ZNF487: variants seen among roughly 807,000 people sequenced by gnomAD.
ZNF487 encodes zinc finger protein 487.
In ZNF487, 4 loss-of-function variants were observed where a neutral mutation model predicts 3.0. That is an observed-to-expected ratio of 1.35 (90% CI 0.66 to 3.08). The LOEUF (loss-of-function observed/expected upper bound fraction) is 3.08. Among genes scored for constraint, ZNF487 ranks in the 30% most tolerant of loss-of-function variants. The probability of loss-of-function intolerance (pLI) is 0.01; values close to 1 mark genes in which losing one functional copy is unlikely to be tolerated. For synonymous variants in ZNF487, 55 were observed against 34.6 expected, an observed-to-expected ratio of 1.59 and a Z score of -2.06; for missense variants, 146 against 98.7, an observed-to-expected ratio of 1.48 and a Z score of -2.03.
At chr10:43,486,301 C>T (rs551304173), downstream of ZNF487, among the ~76,000 whole-genome samples, 5 of 151,988 alleles carry the variant, frequency 3.3e-5, no homozygotes, top group South Asian at 2.1e-4. Flanking sequence ...GAGGAGGGTG[C>T]GGATCACCTG....
chr10:43,494,622 C>T, the ZNF487 span, among the ~76,000 whole-genome samples: 6 of 151,774 alleles, frequency 4.0e-5, no homozygotes, highest in South Asian at 4.2e-4. Flanking sequence ...GTGGTGGGTT[C>T]GAGATATACC....
the ZNF487 span, among the ~76,000 whole-genome samples, chr10:43,492,612 CG>C: frequency 2.0e-5 from 3 of 151,956 alleles, no homozygotes; most frequent in Non-Finnish European, 2.9e-5. Flanking sequence ...CCACCACGCC[CG>C]GCTAATTTTT....
intron 1 of ZNF487, among the ~76,000 whole-genome samples, chr10:43,449,409 TG>T (rs1334992905): frequency 1.3e-5 from 2 of 152,164 alleles, no homozygotes; most frequent in Non-Finnish European, 2.9e-5. Flanking sequence ...GACTGGATGT[TG>T]AAGCACAGTG....
downstream of ZNF487, among the ~76,000 whole-genome samples, chr10:43,488,030 A>G (rs1308450502): frequency 1.3e-5 from 2 of 150,466 alleles, no homozygotes; most frequent in African/African-American, 4.9e-5. Context: ...TTAAACAGGG[A>G]GGCGGAGTTT....
the ZNF487 span, among the ~76,000 whole-genome samples, chr10:43,504,705 T>C: frequency 7.2e-6 from 1 of 139,348 alleles, no homozygotes; most frequent in Admixed American, 8.3e-5. Flanking sequence ...CACTCTAGTT[T>C]GTGTTGTTGT....
At chr10:43,471,160 G>C (rs1326386274) in intron 1 of ZNF487, among the ~76,000 whole-genome samples, 2 of 152,050 alleles carry the variant, frequency 1.3e-5, no homozygotes, top group African/African-American at 2.4e-5. Flanking sequence ...TGTTGGACTC[G>C]TGACAGGGCT....
rs1423475025 is a variant in ZNF487, at chr10:43,481,779, GTCTC to G, written c.484_487del (p.Ser162ArgfsTer126). The G allele has an allele frequency of 2.8e-6, 2 of 711,764 alleles. No individual in the cohort carries two copies. Among genetic ancestry groups the G allele is most frequent in the Non-Finnish European group, 5.2e-6 (2 of 385,054 alleles). The allele number at this position is 711,764 out of a possible 1,614,324, so 44.1% of individuals were successfully genotyped here. On this transcript the variant is annotated frameshift_variant, in exon 4 of 4. Coordinates refer to ENST00000437590, the MANE Select transcript of ZNF487 (RefSeq NM_001355444.3). LOFTEE classifies it low-confidence loss of function (END_TRUNC). ...GGAATATGATGGAAATGGGAAAGCC[GTCTC>G]TCAGAATGAGGACTTATTTAGGCAT... is the stretch of plus-strand genomic sequence containing the variant.
chr10:43,468,905 T>C (rs1239713983), intron 1 of ZNF487, among the ~76,000 whole-genome samples: 3 of 136,400 alleles, frequency 2.2e-5, no homozygotes, highest in Non-Finnish European at 3.0e-5. Context: ...AGGAGAATGG[T>C]GTGAACCCAG....
At chr10:43,462,820 A>G (rs556028507) in intron 1 of ZNF487, among the ~76,000 whole-genome samples, 1 of 149,910 alleles carries the variant, frequency 6.7e-6, no homozygotes, top group East Asian at 2.0e-4. Context: ...CCCAGGCTGG[A>G]GTGCAGTGGC....
chr10:43,473,312 T>G (rs1056591297), intron 1 of ZNF487, among the ~76,000 whole-genome samples: 1 of 151,746 alleles, frequency 6.6e-6, no homozygotes, highest in Non-Finnish European at 1.5e-5. Context: ...ACTCCTGACC[T>G]CAGGTGATCT....
the ZNF487 span, among the ~76,000 whole-genome samples, chr10:43,515,195 T>C: frequency 6.6e-6 from 1 of 152,178 alleles, no homozygotes; most frequent in African/African-American, 2.4e-5. Context: ...TTTATTTATA[T>C]GAATTAGAAA....
At chr10:43,486,356 G>A (rs758175631), downstream of ZNF487, among the ~76,000 whole-genome samples, 2 of 152,058 alleles carry the variant, frequency 1.3e-5, no homozygotes, top group Non-Finnish European at 2.9e-5. Context: ...GAAAAACTTC[G>A]TCTCCACTAA....
chr10:43,520,261 A>C, the ZNF487 span, among the ~76,000 whole-genome samples: 3 of 152,034 alleles, frequency 2.0e-5, 1 homozygote, highest in South Asian at 6.2e-4. Flanking sequence ...TTCCTTTACT[A>C]GGTAAGATGC....
the ZNF487 span, among the ~76,000 whole-genome samples, chr10:43,516,407 C>A: frequency 2.0e-5 from 3 of 152,162 alleles, no homozygotes; most frequent in Non-Finnish European, 4.4e-5. Context: ...TCCTCTAGAA[C>A]AACTCCTGGT....
At chr10:43,450,693 C>A (rs1426725327) in intron 1 of ZNF487, among the ~76,000 whole-genome samples, 2 of 152,000 alleles carry the variant, frequency 1.3e-5, no homozygotes, top group African/African-American at 4.8e-5. Flanking sequence ...GTGTGAATGC[C>A]TTTTTATCCA....
intron 1 of ZNF487, among the ~76,000 whole-genome samples, chr10:43,463,552 ATT>A (rs34591446): frequency 1.4e-5 from 2 of 145,216 alleles, no homozygotes; most frequent in South Asian, 2.2e-4. Context: ...AAAAAAAAAA[ATT>A]TTTTTTTTTT....
Position 43,447,985 on chromosome 10 carries a change from A to ATTTTTT in ZNF487, c.-94+10740_-94+10745dup, listed in dbSNP as rs71016768. ...TCTGATGTTCAGGGTCTTGGAAACC[A>ATTTTTT]TTTTTTTTTTTTTTTTTTTTTTGAG... On this transcript the variant is annotated intron_variant, in intron 1 of 3. Transcript: ENST00000437590. Among the ~76,000 whole-genome samples the ATTTTTT allele has an allele frequency of 2.5e-4, 25 of 100,136 alleles. 1 individual carries two copies. The highest frequency in any genetic ancestry group is 3.5e-4 in the Non-Finnish European group (19 of 54,486). The allele number at this position is 100,136 out of a possible 152,430, so 65.7% of individuals were successfully genotyped here. A position where few individuals can be genotyped will look rare whatever the true frequency, so the allele number is the denominator to read the frequency against.
downstream of ZNF487, among the ~76,000 whole-genome samples, chr10:43,485,637 G>A (rs1359856419): frequency 6.6e-6 from 1 of 152,210 alleles, no homozygotes; most frequent in East Asian, 1.9e-4. Flanking sequence ...AAATATTGTA[G>A]TCTAGTGTGG....
At chr10:43,492,811 G>A in the ZNF487 span, among the ~76,000 whole-genome samples, 1 of 152,286 alleles carries the variant, frequency 6.6e-6, no homozygotes, top group Non-Finnish European at 1.5e-5. Flanking sequence ...GTTTAGTGAA[G>A]CAGATTAATG....
Sources: gnomAD v4.1 joint callset for allele counts (sites outside exome capture counted in the v4.1 genomes callset) on GRCh38, gnomAD v4.1.1 for gene constraint, MANE v1.5 for transcripts, NCBI Gene and HGNC (gene_info 2026-07-23, HGNC 2026-07-21) for gene names.